The following CEP55 variants were observed in gnomAD, a reference collection of about 807,000 sequenced individuals.
The protein encoded by CEP55 is centrosomal protein 55.
Under a neutral mutation model 63.2 loss-of-function variants are expected in CEP55, and 57 were observed. The ratio of observed to expected loss-of-function variants is 0.90; its 90% confidence interval spans 0.73 to 1.13. The LOEUF is 1.13. Ranked by LOEUF, CEP55 falls within the 50% of genes most tolerant of loss-of-function variation. The probability of loss-of-function intolerance (pLI) is 0.00; values close to 1 mark genes in which losing one functional copy is unlikely to be tolerated. For synonymous variants in CEP55, 178 were observed against 191.6 expected, an observed-to-expected ratio of 0.93 and a Z score of 0.59; for missense variants, 456 against 518.9, an observed-to-expected ratio of 0.88 and a Z score of 1.18.
chr10:93,508,901 T>C (rs1054301688), intron 4 of CEP55, among the ~76,000 whole-genome samples: 1 of 152,190 alleles, frequency 6.6e-6, no homozygotes, highest in Non-Finnish European at 1.5e-5. Context: ...TCTATTTAAC[T>C]TCTCTTGTTT....
chr10:93,518,125 A>G lies in CEP55; in HGVS notation c.994-752A>G, dbSNP rs566203699. 4.8e-4 allele frequency among the ~76,000 whole-genome samples: 72 copies of G among 149,878 alleles called. 1 individual carries two copies. Among genetic ancestry groups the G allele is most frequent in the Non-Finnish European group, 9.4e-4 (64 of 67,748 alleles). On this transcript the variant is annotated intron_variant, in intron 6 of 8. Coordinates refer to ENST00000371485, the MANE Select transcript of CEP55 (RefSeq NM_018131.5). The stretch of plus-strand genomic sequence containing the variant: ...TGATGGGACAGTAACAAGTCCATCT[A>G]TAACATTTGCCATCTTAGTCTTTTT...
chr10:93,498,142 C>CAAA lies in CEP55; in HGVS notation c.-13+1228_-13+1230dup, dbSNP rs59748994. On this transcript the variant is annotated intron_variant, in intron 1 of 8. Coordinates refer to ENST00000371485, the MANE Select transcript of CEP55 (RefSeq NM_018131.5). ...GCCGCCCCTAACGCCCCGCCCCCGC[C>CAAA]AAAAAAAAAAAGAAAGAAACAGAAA... is the stretch of plus-strand genomic sequence containing the variant. 1.4e-3 allele frequency among the ~76,000 whole-genome samples: 197 copies of CAAA among 136,818 alleles called. 1 individual carries two copies. Among genetic ancestry groups the CAAA allele is most frequent in the Middle Eastern group, 3.7e-3 (1 of 268 alleles). The allele number at this position is 136,818 out of a possible 152,430, so 89.8% of individuals were successfully genotyped here.
chr10:93,509,295 T>C (rs887938574), intron 4 of CEP55, among the ~76,000 whole-genome samples: 1 of 152,156 alleles, frequency 6.6e-6, no homozygotes, highest in Admixed American at 6.6e-5. Flanking sequence ...AAGGCGTTTA[T>C]ACAAATGGGG....
chr10:93,503,276 A>G lies in CEP55; in HGVS notation c.347A>G (p.Gln116Arg). ...ETTREGERRE[Q>R]VLKALSEEKD... ...ACGAGAGAAGGAGAAAGGAGGGAGC[A>G]GGTGTTGAAAGCCTTATCTGAAGAG... The change falls in exon 3 of 9, where the codon CAG becomes CGG. Residue 116 changes from glutamine (Q) to arginine (R), a missense_variant. Gln to Arg is a conservative substitution (Grantham distance 43). Coordinates refer to ENST00000371485, the MANE Select transcript of CEP55 (RefSeq NM_018131.5). The G allele has an allele frequency of 6.2e-6, 10 of 1,614,218 alleles. No individual in the cohort carries two copies. Among genetic ancestry groups the G allele is most frequent in the Non-Finnish European group, 8.5e-6 (10 of 1,180,040 alleles).
Position 93,515,629 on chromosome 10 carries a change from G to T in CEP55, c.679+74G>T. On this transcript the variant is annotated intron_variant, in intron 5 of 8. Coordinates refer to ENST00000371485, the MANE Select transcript of CEP55 (RefSeq NM_018131.5). ...CAAAAGGAATGATTCATCAAATTTA[G>T]ATTTTTATAGATATGTGTTAGAAAG... 5 of 1,392,942 alleles carry T rather than the reference G, an allele frequency of 3.6e-6. No individual in the cohort carries two copies. In the South Asian group the frequency reaches 7.7e-5, roughly 21 times the overall value. The allele number at this position is 1,392,942 out of a possible 1,614,324, so 86.3% of individuals were successfully genotyped here.
In CEP55 at chr10:93,517,249, G is replaced by C; in HGVS notation, c.993+1G>C. The stretch of plus-strand genomic sequence containing the variant: ...GAGATCCGAAGAGCTCTTATCTCAG[G>C]TAAACTTAACCAGATCCATAATTCA... On this transcript the variant is annotated splice_donor_variant, in intron 6 of 8. Transcript: ENST00000371485. LOFTEE classifies it high-confidence loss of function. The C allele has an allele frequency of 6.3e-7, 1 of 1,585,182 alleles. No individual in the cohort carries two copies.
intron 8 of CEP55, among the ~76,000 whole-genome samples, chr10:93,524,596 A>G (rs1564769970): frequency 6.6e-6 from 1 of 152,248 alleles, no homozygotes; most frequent in Non-Finnish European, 1.5e-5. Context: ...TTATGAGGCC[A>G]GCATCATCCT....
At chr10:93,499,312 G>A (rs990714752) in intron 1 of CEP55, among the ~76,000 whole-genome samples, 5 of 151,990 alleles carry the variant, frequency 3.3e-5, no homozygotes, top group Admixed American at 2.0e-4. Flanking sequence ...ATGACATTTC[G>A]TGCCTATATA....
In CEP55 at chr10:93,528,266, T is replaced by G; in HGVS notation, c.*113T>G. 1 of 824,680 alleles carries G rather than the reference T, an allele frequency of 1.2e-6. No individual in the cohort carries two copies. 51.1% of individuals were successfully genotyped at this position (824,680 alleles called of 1,614,324 possible). A position where few individuals can be genotyped will look rare whatever the true frequency, so the allele number is the denominator to read the frequency against. On this transcript the variant is annotated 3_prime_UTR_variant, in exon 9 of 9. Coordinates refer to ENST00000371485, the MANE Select transcript of CEP55 (RefSeq NM_018131.5). ...TTGCATAAAACTGCCTATCTACCTT[T>G]GACACTCCAGCATGCTAGTGAATCA...
chr10:93,519,237 C>T (rs112574380), intron 7 of CEP55: 4 of 427,630 alleles, frequency 9.4e-6, no homozygotes, highest in African/African-American at 8.0e-5. Context: ...GTGGCTGTAG[C>T]TCCTAGCCTA....
In CEP55 at chr10:93,514,988, G is replaced by A. The variant is rs185761503; in HGVS notation, c.529-417G>A. On this transcript the variant is annotated intron_variant, in intron 4 of 8. Transcript: ENST00000371485. ...GGGTTTCACCATGTTGGCCAGGCTG[G>A]TCTTGAACTCCTGACCTCAGGTGAT... is the stretch of plus-strand genomic sequence containing the variant. Among the ~76,000 whole-genome samples the A allele has an allele frequency of 3.3e-3, 507 of 152,270 alleles. 1 individual carries two copies. Among genetic ancestry groups the A allele is most frequent in the African/African-American group, 0.012 (480 of 41,558 alleles).
rs116512977 is a variant in CEP55 at position 93,508,123 on chromosome 10, G to T, written c.528+1067G>T. 7.1e-3 allele frequency among the ~76,000 whole-genome samples: 1,075 copies of T among 152,240 alleles called. 10 individuals carry two copies. The highest frequency in any genetic ancestry group is 0.025 in the African/African-American group (1,030 of 41,518). On this transcript the variant is annotated intron_variant, in intron 4 of 8. Coordinates refer to ENST00000371485, the MANE Select transcript of CEP55 (RefSeq NM_018131.5). The stretch of plus-strand genomic sequence containing the variant: ...TCCTTTCTCTAGAATTTGGTATGAG[G>T]TTATTTTAGTTATACAGTAAAGCTG...
At chr10:93,507,875 G>A (rs2057704573) in intron 4 of CEP55, among the ~76,000 whole-genome samples, 3 of 152,220 alleles carry the variant, frequency 2.0e-5, no homozygotes, top group Non-Finnish European at 2.9e-5. Flanking sequence ...TTGAACTCCC[G>A]ACCTCAGGTG....
intron 1 of CEP55, among the ~76,000 whole-genome samples, chr10:93,497,620 A>G (rs748501128): frequency 6.6e-6 from 1 of 152,084 alleles, no homozygotes; most frequent in Non-Finnish European, 1.5e-5. Context: ...GGTAACAACA[A>G]CAACAACAAA....
chr10:93,501,507 G>A (rs1212475158), intron 2 of CEP55, among the ~76,000 whole-genome samples: 1 of 151,950 alleles, frequency 6.6e-6, no homozygotes, highest in Non-Finnish European at 1.5e-5. Context: ...TGGCCAATAT[G>A]GCGAAACAAA....
rs768345580 is a variant in CEP55, at chr10:93,503,398, A to C, written c.459+10A>C. ...ACTCCGTTTATCACAGGTGCTAATC[A>C]TTTCTTTAAACCCAGATTTTTTTTT... On this transcript the variant is annotated intron_variant, in intron 3 of 8. Coordinates refer to ENST00000371485, the MANE Select transcript of CEP55 (RefSeq NM_018131.5). 1.0e-5 allele frequency: 16 copies of C among 1,595,648 alleles called. No homozygotes were observed. Among genetic ancestry groups the C allele is most frequent in the Non-Finnish European group, 1.3e-5 (15 of 1,170,450 alleles).
At chr10:93,514,310 T>G (rs1455821008) in intron 4 of CEP55, among the ~76,000 whole-genome samples, 1 of 152,226 alleles carries the variant, frequency 6.6e-6, no homozygotes, top group Non-Finnish European at 1.5e-5. Flanking sequence ...TTCAACTCAC[T>G]GTAAGTATGA....
At chr10:93,516,514 C>T (rs7908702) in intron 5 of CEP55, among the ~76,000 whole-genome samples, 1 of 152,212 alleles carries the variant, frequency 6.6e-6, no homozygotes, top group African/African-American at 2.4e-5. Flanking sequence ...AATATAAGCA[C>T]TTGTTAGAAT....
At chr10:93,522,232 A>G (rs2057872290) in intron 8 of CEP55, among the ~76,000 whole-genome samples, 1 of 152,242 alleles carries the variant, frequency 6.6e-6, no homozygotes. Context: ...CAATGCAGAG[A>G]AGTCCTTAAA....
Sources: gnomAD v4.1 joint callset for allele counts (sites outside exome capture counted in the v4.1 genomes callset) on GRCh38, gnomAD v4.1.1 for gene constraint, MANE v1.5 for transcripts, NCBI Gene and HGNC (gene_info 2026-07-23, HGNC 2026-07-21) for gene names.